The following ANKRD26 variants were observed in gnomAD, a reference collection of about 807,000 sequenced individuals.
The protein encoded by ANKRD26 is ankyrin repeat domain 26, also known as ankyrin repeat domain-containing protein 26.
ANKRD26 carries 141 observed loss-of-function variants against 208.7 expected under a neutral mutation model. The observed-to-expected ratio is 0.68, with a 90% confidence interval of 0.59 to 0.78. ANKRD26 has a LOEUF of 0.78. Ranked by LOEUF, ANKRD26 falls within the 30% of genes least tolerant of loss-of-function variation. ANKRD26 has a pLI of 0.00. For missense variants in ANKRD26, 1,889 were observed against 1,938.7 expected, an observed-to-expected ratio of 0.97 and a Z score of 0.48; for synonymous variants, 636 against 660.4, an observed-to-expected ratio of 0.96 and a Z score of 0.57.
the ANKRD26 span, among the ~76,000 whole-genome samples, chr10:26,954,369 T>C: frequency 6.6e-6 from 1 of 152,218 alleles, no homozygotes; most frequent in Non-Finnish European, 1.5e-5. Flanking sequence ...TTTTATAGCT[T>C]TGGGTTGTTT....
chr10:27,070,130 C>T (rs887108681), intron 9 of ANKRD26, among the ~76,000 whole-genome samples: 9 of 140,198 alleles, frequency 6.4e-5, no homozygotes, highest in South Asian at 4.5e-4. Context: ...AAAGGCCAGG[C>T]GTGGTGGCTC....
chr10:27,062,770 C>CTT (rs879365257), intron 12 of ANKRD26, among the ~76,000 whole-genome samples: 7 of 142,466 alleles, frequency 4.9e-5, no homozygotes, highest in South Asian at 4.5e-4. Flanking sequence ...TTCTTTCTTT[C>CTT]TTTTTTTTTT....
At chr10:27,095,083 A>G (rs2135747216) in intron 1 of ANKRD26, among the ~76,000 whole-genome samples, 1 of 152,290 alleles carries the variant, frequency 6.6e-6, no homozygotes, top group Non-Finnish European at 1.5e-5. Flanking sequence ...TATCTCTGAC[A>G]TTGGAATGCC....
intron 1 of ANKRD26, among the ~76,000 whole-genome samples, chr10:27,099,373 A>G (rs1259953511): frequency 2.6e-5 from 4 of 151,970 alleles, no homozygotes; most frequent in Non-Finnish European, 5.9e-5. Flanking sequence ...TCCTTAATAC[A>G]CTGCTTAAGC....
At chr10:26,956,935 A>G in the ANKRD26 span, among the ~76,000 whole-genome samples, 1 of 152,238 alleles carries the variant, frequency 6.6e-6, no homozygotes, top group Non-Finnish European at 1.5e-5. Context: ...GAAGATGTTT[A>G]TAGATTAGCT....
At chr10:26,991,095 C>G (rs1237807349), downstream of ANKRD26, among the ~76,000 whole-genome samples, 2 of 152,160 alleles carry the variant, frequency 1.3e-5, no homozygotes, top group Admixed American at 6.5e-5. Context: ...GACCCTCCCC[C>G]TCAACTAAAC....
chr10:27,070,216 A>G (rs1220573430), intron 9 of ANKRD26, among the ~76,000 whole-genome samples: 1 of 152,018 alleles, frequency 6.6e-6, no homozygotes, highest in Non-Finnish European at 1.5e-5. Flanking sequence ...ACCAGCCAAC[A>G]TAGCAAAACC....
Position 27,048,827 on chromosome 10 carries a change from G to A in ANKRD26, c.1788C>T (p.Pro596=), listed in dbSNP as rs267602455. 9.9e-6 allele frequency: 16 copies of A among 1,612,884 alleles called. No homozygotes were observed. The highest frequency in any genetic ancestry group is 1.4e-5 in the Non-Finnish European group (16 of 1,179,592). The stretch of plus-strand genomic sequence containing the variant: ...TAGCATACTCTTTATTTTCCTTCCT[G>A]GGAAATTGCTGATGATCAGTTTCTC... The part of the protein sequence containing the change: ...KSGETDHQQF[P]RKENKEYASS... Residue 596 remains proline (P), a synonymous_variant, in exon 17 of 34, where the codon CCC becomes CCT. Transcript: ENST00000376087.
chr10:26,988,627 T>TGCC, downstream of ANKRD26, among the ~76,000 whole-genome samples: 1 of 152,168 alleles, frequency 6.6e-6, no homozygotes, highest in South Asian at 2.1e-4. Context: ...TCTACAGGAA[T>TGCC]ACTAAAGAAG....
At chr10:27,088,287 T>C (rs1277969349) in intron 4 of ANKRD26, 2 of 152,204 alleles carry the variant, frequency 1.3e-5, no homozygotes, top group Non-Finnish European at 2.9e-5. Context: ...CTCACACTGT[T>C]AGCAAATAGT....
In ANKRD26 at chr10:27,033,369, C is replaced by T. The variant is rs753465616; in HGVS notation, c.3663G>A (p.Val1221=). ...ENEKAEREVV[V]RQLQQELADT... ...CAGCTAGTTCTTGTTGAAGTTGTCTCACAACAACCTGATAAGACATTTTGT... is the reference window on the plus strand; with the variant it reads ...CAGCTAGTTCTTGTTGAAGTTGTCTTACAACAACCTGATAAGACATTTTGT... The change falls in exon 25 of 34, where the codon GTG becomes GTA. Residue 1221 remains valine (V), a synonymous_variant. Transcript: ENST00000376087. The T allele has an allele frequency of 3.1e-6, 5 of 1,609,134 alleles. No homozygotes were observed. Among genetic ancestry groups the T allele is most frequent in the Non-Finnish European group, 4.2e-6 (5 of 1,176,940 alleles).
chr10:27,003,159 T>C (rs2052762993), downstream of ANKRD26, among the ~76,000 whole-genome samples: 1 of 152,156 alleles, frequency 6.6e-6, no homozygotes, highest in African/African-American at 2.4e-5. Flanking sequence ...TTAATATATA[T>C]TCAGGATGAA....
exon 6 of ANKRD26, among the ~76,000 whole-genome samples, chr10:26,974,044 T>C (rs2052188339): frequency 6.6e-6 from 1 of 152,152 alleles, no homozygotes; most frequent in Non-Finnish European, 1.5e-5. Context: ...TTTATATTTC[T>C]ATTGGTATGA....
intron 9 of ANKRD26, chr10:27,077,057 G>A (rs1453652381): frequency 1.4e-5 from 6 of 416,010 alleles, no homozygotes; most frequent in Non-Finnish European, 2.6e-5. Context: ...AAAGAAAACT[G>A]CAGACCAATA....
In ANKRD26 at chr10:27,033,234, G is replaced by A; in HGVS notation, c.3798C>T (p.Ile1266=). 6.2e-7 allele frequency: 1 copy of A among 1,609,654 alleles called. No individual in the cohort carries two copies. Among genetic ancestry groups the A allele is most frequent in the Non-Finnish European group, 8.5e-7 (1 of 1,176,820 alleles). ...TQDLKKKLGQ[I]RNQLQEAQDR... The stretch of plus-strand genomic sequence containing the variant: ...TAAATTTCATACATACTTGATTTCT[G>A]ATTTGACCTAATTTCTTCTTTAAAT... Residue 1266 remains isoleucine (I), a synonymous_variant, in exon 25 of 34, where the codon ATC becomes ATT. Coordinates refer to ENST00000376087, the MANE Select transcript of ANKRD26 (RefSeq NM_014915.3).
At chr10:27,057,220 ACTC>A (rs2054869240) in intron 15 of ANKRD26, among the ~76,000 whole-genome samples, 1 of 151,790 alleles carries the variant, frequency 6.6e-6, no homozygotes, top group African/African-American at 2.4e-5. Flanking sequence ...CAAACACACT[ACTC>A]CTCCATGGTG....
downstream of ANKRD26, among the ~76,000 whole-genome samples, chr10:27,002,483 G>T (rs1325677720): frequency 6.6e-6 from 1 of 152,166 alleles, no homozygotes; most frequent in Non-Finnish European, 1.5e-5. Context: ...CTGACGTCAT[G>T]ACATGGTCCC....
intron 32 of ANKRD26, among the ~76,000 whole-genome samples, chr10:27,007,843 T>A (rs1174263639): frequency 6.6e-6 from 1 of 152,160 alleles, no homozygotes; most frequent in African/African-American, 2.4e-5. Context: ...ATCTATATAT[T>A]ATAAATAACA....
intron 29 of ANKRD26, among the ~76,000 whole-genome samples, chr10:27,021,749 T>G (rs556809404): frequency 6.6e-6 from 1 of 152,238 alleles, no homozygotes; most frequent in Non-Finnish European, 1.5e-5. Context: ...CTGGCTAGTA[T>G]GAGATGGTAT....
Sources: gnomAD v4.1 joint callset for allele counts (sites outside exome capture counted in the v4.1 genomes callset) on GRCh38, gnomAD v4.1.1 for gene constraint, MANE v1.5 for transcripts, NCBI Gene and HGNC (gene_info 2026-07-23, HGNC 2026-07-21) for gene names.